TEX14: variants seen among roughly 807,000 people sequenced by gnomAD.
TEX14 encodes the protein inactive serine/threonine-protein kinase TEX14.
Under a neutral mutation model 178.6 loss-of-function variants are expected in TEX14, and 168 were observed. The observed-to-expected ratio is 0.94, with a 90% CI of 0.83 to 1.07. The LOEUF is 1.07. TEX14 is among the 50% of genes least tolerant of loss of function. The probability of loss-of-function intolerance (pLI) is 0.00; values close to 1 mark genes in which losing one functional copy is unlikely to be tolerated. For synonymous variants in TEX14, 626 were observed against 634.1 expected, an observed-to-expected ratio of 0.99 and a Z score of 0.19; for missense variants, 1,730 against 1,753.6, an observed-to-expected ratio of 0.99 and a Z score of 0.24.
chr17:58,579,354 T>C (rs1386316171), intron 20 of TEX14, among the ~76,000 whole-genome samples: 2 of 152,176 alleles, frequency 1.3e-5, no homozygotes, highest in Non-Finnish European at 2.9e-5. Context: ...CTGCACTTGC[T>C]ATGTGGCACA....
intron 1 of TEX14, among the ~76,000 whole-genome samples, chr17:58,690,940 C>A (rs1321156355): frequency 1.3e-5 from 2 of 152,138 alleles, no homozygotes; most frequent in Non-Finnish European, 2.9e-5. Context: ...GATCATAGCT[C>A]ACTCCCAGGC....
intron 29 of TEX14, among the ~76,000 whole-genome samples, chr17:58,560,394 C>A (rs992324714): frequency 6.6e-6 from 1 of 152,144 alleles, no homozygotes; most frequent in Non-Finnish European, 1.5e-5. Flanking sequence ...TATTCCGCCC[C>A]CGTTCAAATG....
intron 2 of TEX14, among the ~76,000 whole-genome samples, chr17:58,642,978 T>A (rs1219443764): frequency 6.6e-6 from 1 of 152,192 alleles, no homozygotes; most frequent in Non-Finnish European, 1.5e-5. Context: ...CTGTTCCAAA[T>A]ACATTTACTT....
chr17:58,589,434 C>T (rs980225890), intron 15 of TEX14, among the ~76,000 whole-genome samples: 1 of 142,516 alleles, frequency 7.0e-6, no homozygotes, highest in African/African-American at 2.6e-5. Context: ...TGGTGGCGGG[C>T]GCCTGTAATC....
At chr17:58,579,615 G>T (rs778274967) in intron 20 of TEX14, 50 bp downstream of exon 20, 1 of 1,497,602 alleles carries the variant, frequency 6.7e-7, no homozygotes, top group South Asian at 1.1e-5. Context: ...TCCAACAGAA[G>T]AAATTTAAGG....
At chr17:58,626,742 G>C (rs531185112) in intron 3 of TEX14, among the ~76,000 whole-genome samples, 1 of 152,112 alleles carries the variant, frequency 6.6e-6, no homozygotes, top group South Asian at 2.1e-4. Flanking sequence ...GTGGTGGCAC[G>C]CGCCTGTAGT....
chr17:58,662,708 TG>T (rs745348030), intron 1 of TEX14, among the ~76,000 whole-genome samples: 1 of 152,126 alleles, frequency 6.6e-6, no homozygotes, highest in Non-Finnish European at 1.5e-5. Flanking sequence ...CTTTGCCTCA[TG>T]GGAGTCAAGG....
At position 58,602,471 on chromosome 17, in the gene TEX14, T is replaced by A; in HGVS notation, c.1456A>T (p.Ile486Phe). ...GTTCGGTCTTTCTGCTTGACGTGGA[T>A]GCCTGACTTAACAATATCATAGTAA... is the stretch of plus-strand genomic sequence containing the variant. ...KPYYDIVKSG[I>F]HVKQKDRTMN... is the part of the protein sequence containing the mutation. The change falls in exon 12 of 32, where the codon ATC (isoleucine) becomes TTC (phenylalanine). Residue 486 changes from isoleucine to phenylalanine, a missense_variant. Ile to Phe is a conservative substitution (Grantham distance 21). Coordinates refer to ENST00000349033, the MANE Select transcript of TEX14 (RefSeq NM_031272.5). 6.2e-7 allele frequency: 1 copy of A among 1,614,082 alleles called. No homozygotes were observed. The highest frequency in any genetic ancestry group is 8.5e-7 in the Non-Finnish European group (1 of 1,180,022).
chr17:58,608,545 C>A (rs1462164387), intron 10 of TEX14, among the ~76,000 whole-genome samples: 2 of 152,218 alleles, frequency 1.3e-5, no homozygotes, highest in Non-Finnish European at 2.9e-5. Context: ...CACTGCACTC[C>A]AGCCTGGGCG....
intron 26 of TEX14, among the ~76,000 whole-genome samples, chr17:58,568,554 C>T (rs909053690): frequency 9.2e-5 from 14 of 152,116 alleles, no homozygotes; most frequent in African/African-American, 2.2e-4. Context: ...TCAAGAAAGG[C>T]GCAGTCAAGT....
chr17:58,680,534 G>A (rs1010254368), intron 1 of TEX14, among the ~76,000 whole-genome samples: 1 of 152,076 alleles, frequency 6.6e-6, no homozygotes, highest in Admixed American at 6.6e-5. Context: ...TTGAGGTCAG[G>A]AATTCGAGAC....
rs1384667762 is a variant in TEX14 at position 58,616,247 on chromosome 17, T to C, written c.695A>G (p.Glu232Gly). 5 of 1,613,838 alleles carry C rather than the reference T, an allele frequency of 3.1e-6. No homozygotes were observed. The African/African-American group carries it at 4.0e-5, about 13-fold the overall frequency. The change falls in exon 7 of 32, where the codon GAA becomes GGA. Residue 232 changes from glutamate (E) to glycine (G), a missense_variant. Transcript: ENST00000349033. ...AYLGSLPVIGEKEVIQADDEP... is the reference protein window; with the variant it reads ...AYLGSLPVIGGKEVIQADDEP... ...ATCATCAGCTTGAATCACTTCCTTT[T>C]CTCCAATGACCGGAAGAGATCCTAG...
Position 58,635,534 on chromosome 17 carries a change from A to G in TEX14, c.137-4980T>C, listed in dbSNP as rs553810814. Among the ~76,000 whole-genome samples, 5 of 150,122 alleles carry G rather than the reference A, an allele frequency of 3.3e-5. No homozygotes were observed. The East Asian group carries it at 9.9e-4, about 30-fold the overall frequency. On this transcript the variant is annotated intron_variant, in intron 2 of 31. Coordinates refer to ENST00000349033, the MANE Select transcript of TEX14 (RefSeq NM_031272.5). ...ATCCTCTGCCTCCCAGGTTCAAGTG[A>G]TTCTCCGGCCTCAGCCTCCTGAGTA...
At chr17:58,666,414 T>C (rs2047206548) in intron 1 of TEX14, 1 of 122,788 alleles carries the variant, frequency 8.1e-6, no homozygotes, top group African/African-American at 3.1e-5. Flanking sequence ...CGGATGCCAC[T>C]GCACTCCAGC....
At chr17:58,578,058 C>T (rs1178044992) in intron 20 of TEX14, among the ~76,000 whole-genome samples, 1 of 152,166 alleles carries the variant, frequency 6.6e-6, no homozygotes, top group Non-Finnish European at 1.5e-5. Context: ...ACTGTACTGT[C>T]CTAGTTAATA....
At position 58,651,893 on chromosome 17, in the gene TEX14, CAT is replaced by C. The variant is rs760571205; in HGVS notation, c.107_108del (p.Tyr36CysfsTer8). ...QLHEYVKQGN[Y>X]VKVKKILKKG... ...TTCTTAAGAATTTTCTTCACTTTCA[CAT>C]AGTTCCCTTGTTTGACATACTCATG... On this transcript the variant is annotated frameshift_variant, in exon 2 of 32. Coordinates refer to ENST00000349033, the MANE Select transcript of TEX14 (RefSeq NM_031272.5). LOFTEE classifies it high-confidence loss of function. 6.2e-7 allele frequency: 1 copy of C among 1,609,512 alleles called. No individual in the cohort carries two copies. The highest frequency in any genetic ancestry group is 8.5e-7 in the Non-Finnish European group (1 of 1,178,910).
intron 21 of TEX14, 56 bp downstream of exon 21, chr17:58,577,319 C>G (rs1262225954): frequency 2.9e-6 from 2 of 695,510 alleles, no homozygotes; most frequent in Non-Finnish European, 4.5e-6. Flanking sequence ...AGCATTATCA[C>G]CATTTAACAT....
rs1342292031 is a variant in TEX14, at chr17:58,599,543, G to A, written c.1802C>T (p.Pro601Leu). ...GCTGCTGGCCTCTTCTGCCATAAAT[G>A]GAGCAGGGCAAGGAGCATCTTGATT... ...TQNQDAPCPA[P>L]FMAEEASSPS... The change falls in exon 14 of 32, where the codon CCA (proline) becomes CTA (leucine). Residue 601 changes from proline (P) to leucine (L), a missense_variant. By Grantham distance (98) the Pro-to-Leu change is moderately conservative. Coordinates refer to ENST00000349033, the MANE Select transcript of TEX14 (RefSeq NM_031272.5). 1.9e-6 allele frequency: 3 copies of A among 1,614,014 alleles called. No individual in the cohort carries two copies. The Admixed American group carries it at 5.0e-5, about 27-fold the overall frequency.
chr17:58,643,874 CAA>C (rs71143262), intron 2 of TEX14, among the ~76,000 whole-genome samples: 31 of 20,524 alleles, frequency 1.5e-3, no homozygotes, highest in East Asian at 5.0e-3. Context: ...GACTCTGTCT[CAA>C]AAAAAAAAAA....
Sources: gnomAD v4.1 joint callset for allele counts (sites outside exome capture counted in the v4.1 genomes callset) on GRCh38, gnomAD v4.1.1 for gene constraint, MANE v1.5 for transcripts, NCBI Gene and HGNC (gene_info 2026-07-23, HGNC 2026-07-21) for gene names.